The following EBF1 variants were observed in gnomAD, a reference collection of about 807,000 sequenced individuals.
The protein encoded by EBF1 is transcription factor COE1.
Under a neutral mutation model 68.4 loss-of-function variants are expected in EBF1, and 10 were observed. The ratio of observed to expected loss-of-function variants is 0.15; its 90% confidence interval spans 0.09 to 0.25. The LOEUF (loss-of-function observed/expected upper bound fraction) is 0.25. Ranked by LOEUF, EBF1 falls within the 10% of genes least tolerant of loss-of-function variation. EBF1 has a pLI of 1.00. For synonymous variants in EBF1, 298 were observed against 299.8 expected, an observed-to-expected ratio of 0.99 and a Z score of 0.06; for missense variants, 509 against 794.4, an observed-to-expected ratio of 0.64 and a Z score of 4.32.
At chr5:158,800,671 C>G (rs940853087) in intron 8 of EBF1, among the ~76,000 whole-genome samples, 6 of 152,158 alleles carry the variant, frequency 3.9e-5, no homozygotes, top group African/African-American at 1.4e-4. Context: ...TCTGAGAAAG[C>G]TCAGACAACA....
At chr5:158,841,671 C>G (rs17056298) in intron 6 of EBF1, among the ~76,000 whole-genome samples, 7,885 of 152,242 alleles carry the variant, frequency 0.052, 280 homozygotes, top group Non-Finnish European at 0.069. Flanking sequence ...CACTGGGATC[C>G]TCTATAACAA....
At chr5:158,833,974 T>C (rs576613449) in intron 7 of EBF1, among the ~76,000 whole-genome samples, 7 of 152,254 alleles carry the variant, frequency 4.6e-5, no homozygotes, top group Non-Finnish European at 8.8e-5. Flanking sequence ...ATGTCTTCTA[T>C]TTACATTCAT....
At chr5:158,963,931 G>A (rs1753587056) in intron 6 of EBF1, among the ~76,000 whole-genome samples, 1 of 152,198 alleles carries the variant, frequency 6.6e-6, no homozygotes, top group African/African-American at 2.4e-5. Context: ...CCCTCAAGGA[G>A]CTCGCTGCTG....
rs534475535 is a variant in EBF1, at chr5:158,697,881, C to A, written c.*1230G>T. On this transcript the variant is annotated 3_prime_UTR_variant, in exon 16 of 16. Coordinates refer to ENST00000313708, the MANE Select transcript of EBF1 (RefSeq NM_024007.5). ...CTATTAATTCTTATTTTTAAGAACA[C>A]TTCCCAGATAATGAGAGCAAAAATT... is the stretch of plus-strand genomic sequence containing the variant. 1 of 207,496 alleles carries A rather than the reference C, an allele frequency of 4.8e-6. No homozygotes were observed. Among genetic ancestry groups the A allele is most frequent in the Admixed American group, 5.9e-5 (1 of 16,856 alleles). 12.9% of individuals were successfully genotyped at this position (207,496 alleles called of 1,614,324 possible).
At chr5:158,791,579 C>CT (rs11388240) in intron 9 of EBF1, among the ~76,000 whole-genome samples, 2,735 of 148,014 alleles carry the variant, frequency 0.018, 84 homozygotes, top group African/African-American at 0.063. Flanking sequence ...CACCATTGTA[C>CT]TTTTTTTTTT....
chr5:158,995,933 A>T (rs996877437), intron 6 of EBF1, among the ~76,000 whole-genome samples: 1 of 152,174 alleles, frequency 6.6e-6, no homozygotes, highest in Non-Finnish European at 1.5e-5. Flanking sequence ...AGTGAAACCT[A>T]CTAGATTCCA....
At chr5:158,954,236 C>T (rs1043926083) in intron 6 of EBF1, among the ~76,000 whole-genome samples, 3 of 151,508 alleles carry the variant, frequency 2.0e-5, no homozygotes, top group Admixed American at 6.5e-5. Flanking sequence ...GAAGACCCAC[C>T]GCGAAGCTAA....
In EBF1 at chr5:158,876,270, C is replaced by T. The variant is rs13356760; in HGVS notation, c.555-36160G>A. Among the ~76,000 whole-genome samples the T allele has an allele frequency of 2.8e-3, 421 of 152,252 alleles. 1 individual carries two copies. The highest frequency in any genetic ancestry group is 9.8e-3 in the African/African-American group (409 of 41,558). The stretch of plus-strand genomic sequence containing the variant: ...CACTGTCTCCTTTAGCCTCCCAATA[C>T]CTCTAATAGGTAGTATTATTATTGT... On this transcript the variant is annotated intron_variant, in intron 6 of 15. Coordinates refer to ENST00000313708, the MANE Select transcript of EBF1 (RefSeq NM_024007.5).
intron 1 of EBF1, among the ~76,000 whole-genome samples, chr5:159,097,866 G>T (rs1409038514): frequency 6.6e-6 from 1 of 152,228 alleles, no homozygotes; most frequent in Non-Finnish European, 1.5e-5. Flanking sequence ...GCGATGGGAG[G>T]CTGGAGCGCC....
intron 6 of EBF1, among the ~76,000 whole-genome samples, chr5:158,922,648 A>G (rs1808688207): frequency 6.6e-6 from 1 of 152,226 alleles, no homozygotes; most frequent in Non-Finnish European, 1.5e-5. Flanking sequence ...GAAGCTGAAA[A>G]ACAGCAGGTG....
intron 6 of EBF1, among the ~76,000 whole-genome samples, chr5:158,879,568 A>G (rs1280481004): frequency 1.3e-5 from 2 of 152,204 alleles, no homozygotes; most frequent in Non-Finnish European, 2.9e-5. Context: ...ATTGATAGAC[A>G]TTTGGGATGG....
chr5:158,933,050 T>C (rs1811228627), intron 6 of EBF1, among the ~76,000 whole-genome samples: 1 of 152,244 alleles, frequency 6.6e-6, no homozygotes, highest in Non-Finnish European at 1.5e-5. Flanking sequence ...AGGATAATTG[T>C]AGCCAAGGCT....
At chr5:158,765,426 G>T (rs1412341466) in intron 10 of EBF1, among the ~76,000 whole-genome samples, 1 of 150,112 alleles carries the variant, frequency 6.7e-6, no homozygotes, top group African/African-American at 2.5e-5. Context: ...ATTTTGTGCA[G>T]ATATTTAAAT....
In EBF1 at chr5:158,731,173, C is replaced by T. The variant is rs766126972; in HGVS notation, c.1037-16G>A. ...TCGTTGAGCGCTGCAATAAAGAAGT[C>T]ACACAATTAGTACATTTTCAAGAAA... On this transcript the variant is annotated splice_polypyrimidine_tract_variant and intron_variant, in intron 10 of 15. Coordinates refer to ENST00000313708, the MANE Select transcript of EBF1 (RefSeq NM_024007.5). The T allele has an allele frequency of 6.2e-7, 1 of 1,611,922 alleles. No individual in the cohort carries two copies. Among genetic ancestry groups the T allele is most frequent in the East Asian group, 2.2e-5 (1 of 44,858 alleles).
At chr5:158,861,785 A>G (rs773869522) in intron 6 of EBF1, among the ~76,000 whole-genome samples, 4 of 152,208 alleles carry the variant, frequency 2.6e-5, no homozygotes, top group Non-Finnish European at 5.9e-5. Context: ...TTAAAATTCC[A>G]AGTGGCATAT....
chr5:158,725,134 C>T (rs1042288782), intron 11 of EBF1, among the ~76,000 whole-genome samples: 2 of 152,128 alleles, frequency 1.3e-5, no homozygotes, highest in African/African-American at 2.4e-5. Context: ...GAGAAGCTAC[C>T]GTGAGGATTT....
intron 6 of EBF1, among the ~76,000 whole-genome samples, chr5:158,956,028 ATGTGTGTGTGTGTGTGTGTG>A (rs56311243): frequency 3.4e-4 from 48 of 141,146 alleles, no homozygotes; most frequent in African/African-American, 9.6e-4. Flanking sequence ...ATAAATATAA[ATGTGTGTGTGTGTGTGTGTG>A]TGTGTGTGTG....
chr5:158,745,080 C>T (rs1011710297), intron 10 of EBF1, among the ~76,000 whole-genome samples: 4 of 152,160 alleles, frequency 2.6e-5, no homozygotes, highest in Non-Finnish European at 5.9e-5. Flanking sequence ...AGAATTTAAT[C>T]TTCCCCTTTG....
intron 8 of EBF1, among the ~76,000 whole-genome samples, chr5:158,799,776 C>T (rs1410135853): frequency 6.6e-6 from 1 of 152,148 alleles, no homozygotes; most frequent in African/African-American, 2.4e-5. Flanking sequence ...TTGGTGACCC[C>T]ATAAAAATGC....
Sources: gnomAD v4.1 joint callset for allele counts (sites outside exome capture counted in the v4.1 genomes callset) on GRCh38, gnomAD v4.1.1 for gene constraint, MANE v1.5 for transcripts, NCBI Gene and HGNC (gene_info 2026-07-23, HGNC 2026-07-21) for gene names.